Variants in ARL3 observed in about 807,000 individuals in gnomAD.
The protein encoded by ARL3 is ARF like GTPase 3, also known as ADP-ribosylation factor-like protein 3.
ARL3 carries 9 observed loss-of-function variants against 26.0 expected under a neutral mutation model. The observed-to-expected ratio is 0.35, with a 90% confidence interval of 0.21 to 0.60. The LOEUF (loss-of-function observed/expected upper bound fraction) is 0.60, where lower values mean the gene tolerates loss of function less well. Among genes scored for constraint, ARL3 ranks in the 20% least tolerant of loss-of-function variants. ARL3 has a pLI of 0.78. For synonymous variants in ARL3, 71 were observed against 78.4 expected, an observed-to-expected ratio of 0.91 and a Z score of 0.50; for missense variants, 158 against 215.7, an observed-to-expected ratio of 0.73 and a Z score of 1.67.
chr10:102,685,839 C>G lies in ARL3; in HGVS notation c.478G>C (p.Ala160Pro). The G allele has an allele frequency of 6.2e-7, 1 of 1,611,996 alleles. No individual in the cohort carries two copies. The highest frequency in any genetic ancestry group is 8.5e-7 in the Non-Finnish European group (1 of 1,179,238). Residue 160 changes from alanine to proline, a missense_variant, in exon 5 of 6, where the codon GCT becomes CCT. By Grantham distance (27) the Ala-to-Pro change is conservative. Transcript: ENST00000260746. ...DRVWQIQSCS[A>P]LTGEGVQDGM... is the part of the protein sequence containing the mutation. The stretch of plus-strand genomic sequence containing the variant: ...ACCTGAACGCCCTCTCCTGTGAGAG[C>G]TGAGCAAGACTGGATCTGCCAGACT...
chr10:102,687,171 G>A (rs1052296876), intron 4 of ARL3, among the ~76,000 whole-genome samples: 2 of 151,098 alleles, frequency 1.3e-5, no homozygotes, highest in South Asian at 2.1e-4. Flanking sequence ...GAGCCACCGC[G>A]CCCGGCATAG....
intron 5 of ARL3, among the ~76,000 whole-genome samples, chr10:102,684,616 G>C (rs2064172707): frequency 6.6e-6 from 1 of 151,964 alleles, no homozygotes; most frequent in Non-Finnish European, 1.5e-5. Flanking sequence ...AAATATGTTA[G>C]ACAAATTTTG....
chr10:102,708,962 T>C (rs1161209099), intron 1 of ARL3, among the ~76,000 whole-genome samples: 1 of 146,592 alleles, frequency 6.8e-6, no homozygotes, highest in African/African-American at 2.5e-5. Context: ...TGGAGTACAG[T>C]GGTGAAATCA....
chr10:102,686,028 G>A, intron 4 of ARL3, 27 bp from the exon 5 acceptor site: 1 of 1,586,628 alleles, frequency 6.3e-7, no homozygotes, highest in Non-Finnish European at 8.6e-7. Flanking sequence ...GAGAGGGAGG[G>A]AAGGTTAAAA....
chr10:102,691,705 T>C (rs994850573), intron 3 of ARL3, among the ~76,000 whole-genome samples: 5 of 152,228 alleles, frequency 3.3e-5, no homozygotes, highest in African/African-American at 1.2e-4. Flanking sequence ...ATTACGGTAC[T>C]CTAGAGATAA....
In ARL3 at chr10:102,701,247, C is replaced by T. The variant is rs2064278251; in HGVS notation, c.148-1758G>A. ...CATAGGGAAACCAGGATTTGAAAAA[C>T]CCAGTCAACAGCTTGCTACCACAGA... is the stretch of plus-strand genomic sequence containing the variant. On this transcript the variant is annotated intron_variant, in intron 2 of 5. Transcript: ENST00000260746. Among the ~76,000 whole-genome samples, 3 of 152,296 alleles carry T rather than the reference C, an allele frequency of 2.0e-5. No homozygotes were observed. In the South Asian group the frequency reaches 6.2e-4, roughly 32 times the overall value.
chr10:102,691,805 AC>A (rs1360295159), intron 3 of ARL3, among the ~76,000 whole-genome samples: 3 of 152,300 alleles, frequency 2.0e-5, no homozygotes, highest in African/African-American at 7.2e-5. Flanking sequence ...GTCTTTTTCA[AC>A]CAACAATGGA....
At position 102,673,844 on chromosome 10, in the gene ARL3, G is replaced by A. The variant is rs1379355893; in HGVS notation, c.*3050C>T. Reference sequence around the variant, plus strand: ...TTCCTTTGATTATCATTTTCAAAAGGGATTATAAAAAAAGAACCTTTTGAT... The same window carrying A: ...TTCCTTTGATTATCATTTTCAAAAGAGATTATAAAAAAAGAACCTTTTGAT... On this transcript the variant is annotated 3_prime_UTR_variant, in exon 6 of 6. Coordinates refer to ENST00000260746, the MANE Select transcript of ARL3 (RefSeq NM_004311.4). 2 of 152,188 alleles carry A rather than the reference G, an allele frequency of 1.3e-5. No individual in the cohort carries two copies. Among genetic ancestry groups the A allele is most frequent in the African/African-American group, 4.8e-5 (2 of 41,506 alleles). 9.4% of individuals were successfully genotyped at this position (152,188 alleles called of 1,614,324 possible).
At chr10:102,690,772 T>G (rs2064212862) in intron 3 of ARL3, among the ~76,000 whole-genome samples, 1 of 152,204 alleles carries the variant, frequency 6.6e-6, no homozygotes, top group East Asian at 1.9e-4. Flanking sequence ...ACTTCAAGTT[T>G]TATTTCTTAG....
intron 3 of ARL3, among the ~76,000 whole-genome samples, chr10:102,694,356 C>G (rs4264100): frequency 0.32 from 48,844 of 152,014 alleles, 8,289 homozygotes; most frequent in African/African-American, 0.38. Flanking sequence ...TTTTGTGTAT[C>G]TAAAACCTCA....
chr10:102,711,878 C>G (rs1289886328), intron 1 of ARL3, among the ~76,000 whole-genome samples: 1 of 152,078 alleles, frequency 6.6e-6, no homozygotes, highest in Non-Finnish European at 1.5e-5. Flanking sequence ...GAAAAGACTA[C>G]CCTCGTGTTT....
In ARL3 at chr10:102,676,724, G is replaced by A. The variant is rs565272228; in HGVS notation, c.*170C>T. ...AAATGATACTGAACCTCAGAGATCA[G>A]TTAAATCTACTGCTGGAATGGGGAT... On this transcript the variant is annotated 3_prime_UTR_variant, in exon 6 of 6. Coordinates refer to ENST00000260746, the MANE Select transcript of ARL3 (RefSeq NM_004311.4). 3 of 660,864 alleles carry A rather than the reference G, an allele frequency of 4.5e-6. No homozygotes were observed. In the African/African-American group the frequency reaches 5.4e-5, roughly 12 times the overall value. The allele number at this position is 660,864 out of a possible 1,614,324, so 40.9% of individuals were successfully genotyped here.
chr10:102,706,155 T>A (rs1462801267), intron 1 of ARL3, among the ~76,000 whole-genome samples: 7 of 152,206 alleles, frequency 4.6e-5, no homozygotes, highest in African/African-American at 1.4e-4. Flanking sequence ...AAAAAATTTT[T>A]AAAAAAGATT....
At position 102,676,801 on chromosome 10, in the gene ARL3, G is replaced by T; in HGVS notation, c.*93C>A. The T allele has an allele frequency of 7.4e-7, 1 of 1,351,846 alleles. No homozygotes were observed. The highest frequency in any genetic ancestry group is 1.0e-6 in the Non-Finnish European group (1 of 953,524). The allele number at this position is 1,351,846 out of a possible 1,614,324, so 83.7% of individuals were successfully genotyped here. ...CTTCAAACAGCTGGAGCTGTACACAGATGGAAAAACATTTGGTCAGAAAGC... is the reference window on the plus strand; with the variant it reads ...CTTCAAACAGCTGGAGCTGTACACATATGGAAAAACATTTGGTCAGAAAGC... On this transcript the variant is annotated 3_prime_UTR_variant, in exon 6 of 6. Transcript: ENST00000260746.
At chr10:102,694,859 C>G (rs1417611247) in intron 3 of ARL3, among the ~76,000 whole-genome samples, 2 of 152,168 alleles carry the variant, frequency 1.3e-5, no homozygotes, top group African/African-American at 2.4e-5. Flanking sequence ...GCTGGGATTA[C>G]AGGTGCCTGC....
At chr10:102,681,834 A>G (rs554808833) in intron 5 of ARL3, among the ~76,000 whole-genome samples, 7 of 152,252 alleles carry the variant, frequency 4.6e-5, no homozygotes, top group African/African-American at 1.7e-4. Flanking sequence ...CCACACACAC[A>G]TGCACACTCA....
intron 2 of ARL3, 50 bp downstream of exon 2, chr10:102,705,296 A>T: frequency 6.6e-7 from 1 of 1,506,312 alleles, no homozygotes; most frequent in South Asian, 1.3e-5. Context: ...TCACATTGCT[A>T]TTATCGTCTT....
intron 4 of ARL3, among the ~76,000 whole-genome samples, chr10:102,686,877 T>C (rs1377293549): frequency 2.3e-5 from 3 of 128,164 alleles, no homozygotes; most frequent in African/African-American, 9.1e-5. Context: ...TTTTTTTTTT[T>C]TTTTTTTTTT....
chr10:102,679,920 A>C (rs1419099193), intron 5 of ARL3, among the ~76,000 whole-genome samples: 1 of 152,164 alleles, frequency 6.6e-6, no homozygotes, highest in African/African-American at 2.4e-5. Flanking sequence ...TGTTTAAATA[A>C]ATGTTCCATA....
Sources: allele counts gnomAD v4.1 joint callset (sites outside exome capture counted in the v4.1 genomes callset), GRCh38; gene constraint gnomAD v4.1.1; transcripts MANE v1.5; gene names NCBI Gene and HGNC (gene_info 2026-07-23, HGNC 2026-07-21).